MSI2: variants seen among roughly 807,000 people sequenced by gnomAD.
MSI2 encodes RNA-binding protein Musashi homolog 2.
Under a neutral mutation model 45.6 loss-of-function variants are expected in MSI2, and 17 were observed. The ratio of observed to expected loss-of-function variants is 0.37; its 90% confidence interval spans 0.26 to 0.56. MSI2 has a LOEUF of 0.56. Ranked by LOEUF, MSI2 falls within the 20% of genes least tolerant of loss-of-function variation. The pLI is 0.77. For synonymous variants in MSI2, 156 were observed against 158.2 expected, an observed-to-expected ratio of 0.99 and a Z score of 0.11; for missense variants, 293 against 444.2, an observed-to-expected ratio of 0.66 and a Z score of 3.06.
At chr17:57,427,591 G>A (rs898202883) in intron 6 of MSI2, among the ~76,000 whole-genome samples, 3 of 152,050 alleles carry the variant, frequency 2.0e-5, no homozygotes, top group Non-Finnish European at 1.5e-5. Context: ...CTGAAATGAG[G>A]CCACGTACGT....
rs1049536970 is a variant in MSI2 at position 57,681,538 on chromosome 17, A to C, written c.*2021A>C. ...GACATTCACAGACATGGTAGGGCAA[A>C]AGCATCTTCAAACTAAAGACTCCAA... On this transcript the variant is annotated 3_prime_UTR_variant, in exon 14 of 14. Coordinates refer to ENST00000284073, the MANE Select transcript of MSI2 (RefSeq NM_138962.4). 5.5e-6 allele frequency: 1 copy of C among 182,570 alleles called. No homozygotes were observed. 11.3% of individuals were successfully genotyped at this position (182,570 alleles called of 1,614,324 possible).
rs745388891 is a variant in MSI2, at chr17:57,675,002, C to T, written c.821C>T (p.Pro274Leu). ...GSNPARPGGF[P>L]GANSPGPVAD... ...AACCCGGCGCGGCCCGGAGGCTTCCCGGGGGCCAACAGCCCAGGACCTGTC... is the reference window on the plus strand; with the variant it reads ...AACCCGGCGCGGCCCGGAGGCTTCCTGGGGGCCAACAGCCCAGGACCTGTC... Residue 274 changes from proline (P) to leucine (L), a missense_variant, in exon 12 of 14, where the codon CCG (proline) becomes CTG (leucine). Physicochemically the swap from Pro to Leu is moderately conservative, Grantham distance 98. Transcript: ENST00000284073. 36 of 1,613,522 alleles carry T rather than the reference C, an allele frequency of 2.2e-5. No homozygotes were observed. The highest frequency in any genetic ancestry group is 4.5e-5 in the East Asian group (2 of 44,884).
At chr17:57,380,113 G>A (rs1453333462) in intron 5 of MSI2, among the ~76,000 whole-genome samples, 1 of 152,100 alleles carries the variant, frequency 6.6e-6, no homozygotes, top group Non-Finnish European at 1.5e-5. Context: ...ATGAACCCCA[G>A]CCAATGCCAG....
At chr17:57,696,305 G>C in the MSI2 span, among the ~76,000 whole-genome samples, 2 of 152,176 alleles carry the variant, frequency 1.3e-5, no homozygotes, top group African/African-American at 4.8e-5. Flanking sequence ...GCTGAGTGTG[G>C]AGCTGAGAGG....
intron 6 of MSI2, among the ~76,000 whole-genome samples, chr17:57,493,241 G>A (rs1398210851): frequency 1.3e-5 from 2 of 152,150 alleles, no homozygotes; most frequent in Non-Finnish European, 1.5e-5. Context: ...GGGAATGGGA[G>A]CTTTGGGGCA....
chr17:57,312,498 C>A (rs992998866), intron 5 of MSI2, among the ~76,000 whole-genome samples: 6 of 152,150 alleles, frequency 3.9e-5, no homozygotes, highest in Non-Finnish European at 4.4e-5. Flanking sequence ...AGAAAGCACC[C>A]TGCTGCAGTT....
intron 6 of MSI2, among the ~76,000 whole-genome samples, chr17:57,462,041 G>A (rs1472937991): frequency 6.6e-6 from 1 of 152,226 alleles, no homozygotes; most frequent in African/African-American, 2.4e-5. Flanking sequence ...GGTGCGGGCA[G>A]GGTTGGTTCC....
intron 6 of MSI2, among the ~76,000 whole-genome samples, chr17:57,500,606 T>C (rs183278560): frequency 6.6e-6 from 1 of 151,824 alleles, no homozygotes; most frequent in African/African-American, 2.4e-5. Context: ...GACCAGGCTT[T>C]ACCCAGAGCA....
chr17:57,641,038 G>A (rs970298647), intron 10 of MSI2, among the ~76,000 whole-genome samples: 1 of 152,174 alleles, frequency 6.6e-6, no homozygotes, highest in Non-Finnish European at 1.5e-5. Context: ...ATACTAGCTG[G>A]TAAATGGCTG....
At chr17:57,443,320 C>T (rs556641857) in intron 6 of MSI2, among the ~76,000 whole-genome samples, 1 of 152,312 alleles carries the variant, frequency 6.6e-6, no homozygotes, top group African/African-American at 2.4e-5. Flanking sequence ...GGCGCGTCTC[C>T]TCCGTTTGTG....
At chr17:57,501,062 G>A (rs531875471) in intron 6 of MSI2, among the ~76,000 whole-genome samples, 12 of 152,026 alleles carry the variant, frequency 7.9e-5, no homozygotes, top group African/African-American at 1.2e-4. Flanking sequence ...CTGTCACACC[G>A]TCTCATTTCA....
At chr17:57,463,452 A>G (rs1286167878) in intron 6 of MSI2, among the ~76,000 whole-genome samples, 1 of 151,828 alleles carries the variant, frequency 6.6e-6, no homozygotes. Flanking sequence ...CTCCCTCCCC[A>G]TGGCCCCACT....
In MSI2 at chr17:57,682,040, G is replaced by A. The variant is rs149129359; in HGVS notation, c.*2523G>A. On this transcript the variant is annotated 3_prime_UTR_variant, in exon 14 of 14. Coordinates refer to ENST00000284073, the MANE Select transcript of MSI2 (RefSeq NM_138962.4). ...CGTGCTGTCCTGGTACTAGTGTAGCGACTTTTTTTCTCCTCTTTCTTCTAG... is the reference window on the plus strand; with the variant it reads ...CGTGCTGTCCTGGTACTAGTGTAGCAACTTTTTTTCTCCTCTTTCTTCTAG... The A allele has an allele frequency of 1.8e-4, 37 of 206,750 alleles. No homozygotes were observed. The South Asian group carries it at 6.2e-3, about 35-fold the overall frequency. The allele number at this position is 206,750 out of a possible 1,614,324, so 12.8% of individuals were successfully genotyped here.
At chr17:57,312,455 G>C (rs1912477949) in intron 5 of MSI2, among the ~76,000 whole-genome samples, 1 of 152,140 alleles carries the variant, frequency 6.6e-6, no homozygotes, top group African/African-American at 2.4e-5. Context: ...GCCCGGGTTG[G>C]GATGCCTCCC....
intron 5 of MSI2, among the ~76,000 whole-genome samples, chr17:57,383,394 T>C (rs1195567924): frequency 6.6e-6 from 1 of 152,336 alleles, no homozygotes; most frequent in Admixed American, 6.5e-5. Flanking sequence ...CGGTGGCTCA[T>C]GCCTGTAATC....
intron 5 of MSI2, among the ~76,000 whole-genome samples, chr17:57,298,806 A>C (rs983559030): frequency 2.6e-5 from 4 of 152,188 alleles, no homozygotes; most frequent in Admixed American, 2.6e-4. Flanking sequence ...CACCAGTTGT[A>C]TTAGCCCCTA....
chr17:57,465,133 T>C (rs1343299939), intron 6 of MSI2, among the ~76,000 whole-genome samples: 1 of 152,220 alleles, frequency 6.6e-6, no homozygotes, highest in Non-Finnish European at 1.5e-5. Context: ...TGTATTTCTA[T>C]TTAACATGAT....
rs56325646 is a variant in MSI2 at position 57,495,532 on chromosome 17, C to CAAAAAAAAAA, written c.406-34133_406-34124dup. 1.9e-4 allele frequency among the ~76,000 whole-genome samples: 14 copies of CAAAAAAAAAA among 72,572 alleles called. 2 individuals are homozygous for CAAAAAAAAAA. The highest frequency in any genetic ancestry group is 6.4e-4 in the South Asian group (1 of 1,566). 47.6% of individuals were successfully genotyped at this position (72,572 alleles called of 152,430 possible). A position where few individuals can be genotyped will look rare whatever the true frequency, so the allele number is the denominator to read the frequency against. On this transcript the variant is annotated intron_variant, in intron 6 of 13. Transcript: ENST00000284073. Reference sequence around the variant, plus strand: ...TGGGTGACAGAGCGAGACTCTGTCTCAAAAAAAAAAAAAAAAAAAAGAAAG... The same window carrying CAAAAAAAAAA: ...TGGGTGACAGAGCGAGACTCTGTCTCAAAAAAAAAAAAAAAAAAAAAAAAAAAAAAGAAAG...
At chr17:57,559,053 A>G (rs567658678) in intron 7 of MSI2, among the ~76,000 whole-genome samples, 1 of 152,136 alleles carries the variant, frequency 6.6e-6, no homozygotes. Context: ...CAAGAGCGAG[A>G]CTCCATCTAA....
Sources: gnomAD v4.1 joint callset for allele counts (sites outside exome capture counted in the v4.1 genomes callset) on GRCh38, gnomAD v4.1.1 for gene constraint, MANE v1.5 for transcripts, NCBI Gene and HGNC (gene_info 2026-07-23, HGNC 2026-07-21) for gene names.